The following TNRC6B variants were observed in gnomAD, a reference collection of about 807,000 sequenced individuals.
The protein encoded by TNRC6B is trinucleotide repeat-containing gene 6B protein.
A neutral mutation model predicts 203.6 loss-of-function variants in TNRC6B; 52 were observed. The ratio of observed to expected loss-of-function variants is 0.26; its 90% CI spans 0.20 to 0.32. The LOEUF (loss-of-function observed/expected upper bound fraction) is 0.32, where lower values mean the gene tolerates loss of function less well. TNRC6B is among the 10% of genes least tolerant of loss of function. The probability of loss-of-function intolerance (pLI) is 1.00; values close to 1 mark genes in which losing one functional copy is unlikely to be tolerated. For missense variants in TNRC6B, 1,923 were observed against 2,286.2 expected (o/e 0.84, Z 3.24); for synonymous variants, 838 against 845.7 (o/e 0.99, Z 0.16).
intron 3 of TNRC6B, among the ~76,000 whole-genome samples, chr22:40,137,447 T>TA (rs1196465645): frequency 6.6e-6 from 1 of 152,196 alleles, no homozygotes; most frequent in African/African-American, 2.4e-5. Flanking sequence ...CAGATAAACT[T>TA]ACTGGAAAAG....
At chr22:40,097,728 T>A (rs946451254) in intron 1 of TNRC6B, among the ~76,000 whole-genome samples, 4 of 151,004 alleles carry the variant, frequency 2.6e-5, no homozygotes, top group African/African-American at 9.7e-5. Context: ...TATTATACAT[T>A]GTATACATTA....
At chr22:40,058,198 G>T (rs1405162316) in intron 1 of TNRC6B, among the ~76,000 whole-genome samples, 1 of 152,130 alleles carries the variant, frequency 6.6e-6, no homozygotes, top group African/African-American at 2.4e-5. Context: ...TAGCCAAAAG[G>T]CTCAGAGGGG....
At chr22:40,063,852 G>A (rs1369513216) in intron 1 of TNRC6B, among the ~76,000 whole-genome samples, 1 of 151,912 alleles carries the variant, frequency 6.6e-6, no homozygotes, top group Non-Finnish European at 1.5e-5. Flanking sequence ...AGAGTTGCAC[G>A]GCACCATGCC....
chr22:40,228,866 A>ACT (rs2069828700), intron 1 of TNRC6B, among the ~76,000 whole-genome samples: 1 of 151,252 alleles, frequency 6.6e-6, no homozygotes, highest in Non-Finnish European at 1.5e-5. Flanking sequence ...TTGTAAAACC[A>ACT]CTCCTAATTT....
intron 1 of TNRC6B, among the ~76,000 whole-genome samples, chr22:40,069,131 G>T (rs1240226798): frequency 2.0e-5 from 3 of 151,920 alleles, no homozygotes; most frequent in Non-Finnish European, 4.4e-5. Flanking sequence ...ACAGTATCTC[G>T]CTGTCTCGCC....
At chr22:40,054,534 C>T (rs771857765) in intron 1 of TNRC6B, among the ~76,000 whole-genome samples, 4 of 152,246 alleles carry the variant, frequency 2.6e-5, no homozygotes, top group South Asian at 4.1e-4. Flanking sequence ...CTAATCACCC[C>T]GCCCCACATT....
intron 19 of TNRC6B, among the ~76,000 whole-genome samples, chr22:40,314,410 TC>T (rs1306463373): frequency 3.9e-5 from 6 of 152,176 alleles, no homozygotes; most frequent in Non-Finnish European, 5.9e-5. Context: ...GTTTAAACAC[TC>T]CATGCTGAAT....
At chr22:40,073,972 G>A (rs2067979941) in intron 1 of TNRC6B, among the ~76,000 whole-genome samples, 1 of 152,030 alleles carries the variant, frequency 6.6e-6, no homozygotes, top group African/African-American at 2.4e-5. Context: ...TGGATGCTGA[G>A]GCAGGAGAAT....
intron 4 of TNRC6B, among the ~76,000 whole-genome samples, chr22:40,263,888 G>A (rs1179312436): frequency 2.0e-5 from 3 of 152,198 alleles, no homozygotes; most frequent in South Asian, 2.1e-4. Flanking sequence ...GAATTCTAAC[G>A]TTAGCAAGTT....
intron 21 of TNRC6B, among the ~76,000 whole-genome samples, chr22:40,320,048 A>G (rs915901465): frequency 3.3e-5 from 5 of 152,238 alleles, no homozygotes; most frequent in Non-Finnish European, 5.9e-5. Flanking sequence ...GCAAAGAACT[A>G]CAGAGAAACT....
intron 15 of TNRC6B, among the ~76,000 whole-genome samples, chr22:40,303,427 A>G (rs893814951): frequency 2.6e-5 from 4 of 152,234 alleles, no homozygotes; most frequent in Non-Finnish European, 5.9e-5. Flanking sequence ...CTCCTGTTTC[A>G]TAAGTAACTT....
At chr22:40,173,794 T>TATATATATATATATATAA (rs201025367), upstream of TNRC6B, among the ~76,000 whole-genome samples, 82 of 31,418 alleles carry the variant, frequency 2.6e-3, no homozygotes, top group Non-Finnish European at 3.4e-3. Flanking sequence ...TATATATATA[T>TATATATATATATATATAA]TTTTTTTTTT....
intron 1 of TNRC6B, among the ~76,000 whole-genome samples, chr22:40,108,977 C>T (rs1314148474): frequency 6.6e-6 from 1 of 151,302 alleles, no homozygotes; most frequent in Non-Finnish European, 1.5e-5. Flanking sequence ...TGCTCCCCTC[C>T]CTGTGTCCAT....
At position 40,270,177 on chromosome 22, in the gene TNRC6B, G is replaced by A; in HGVS notation, c.2862G>A (p.Glu954=). ...ATAATGGTACTTCCGCTTGGGGTGAGCCAAATGAAAGCAGTCCTGGGTGGG... is the reference window on the plus strand; with the variant it reads ...ATAATGGTACTTCCGCTTGGGGTGAACCAAATGAAAGCAGTCCTGGGTGGG... The part of the protein sequence containing the change: ...APDNGTSAWG[E]PNESSPGWGE... Residue 954 remains glutamate, a synonymous_variant, in exon 6 of 23, where the codon GAG becomes GAA. Transcript: ENST00000454349. 5.7e-6 allele frequency: 9 copies of A among 1,580,576 alleles called. No individual in the cohort carries two copies. Among genetic ancestry groups the A allele is most frequent in the Non-Finnish European group, 7.7e-6 (9 of 1,162,458 alleles).
chr22:40,214,204 T>G (rs771840524), intron 1 of TNRC6B, among the ~76,000 whole-genome samples: 92 of 151,860 alleles, frequency 6.1e-4, no homozygotes, highest in Non-Finnish European at 1.2e-3. Context: ...GGGGCAGAGG[T>G]TGCAGTGAGC....
chr22:40,113,333 A>T (rs559714528), intron 1 of TNRC6B, among the ~76,000 whole-genome samples: 16 of 152,280 alleles, frequency 1.1e-4, no homozygotes, highest in African/African-American at 3.9e-4. Context: ...AAATAAAACC[A>T]TCTGTTTCTA....
At chr22:40,278,729 T>A (rs2070686189) in intron 9 of TNRC6B, among the ~76,000 whole-genome samples, 2 of 152,114 alleles carry the variant, frequency 1.3e-5, no homozygotes, top group South Asian at 4.1e-4. Flanking sequence ...ACTGGCATTA[T>A]GATTTTTGTA....
chr22:40,202,644 T>A (rs2069429069), intron 1 of TNRC6B, among the ~76,000 whole-genome samples: 2 of 152,136 alleles, frequency 1.3e-5, no homozygotes, highest in African/African-American at 4.8e-5. Flanking sequence ...ATCAACACCT[T>A]CATAGCTTCA....
intron 1 of TNRC6B, among the ~76,000 whole-genome samples, chr22:40,219,828 T>TG (rs2069683987): frequency 6.6e-6 from 1 of 152,190 alleles, no homozygotes; most frequent in South Asian, 2.1e-4. Context: ...TTCCTAGTAT[T>TG]GATTACTACT....
Sources: allele counts gnomAD v4.1 joint callset (sites outside exome capture counted in the v4.1 genomes callset), GRCh38; gene constraint gnomAD v4.1.1; transcripts MANE v1.5; gene names NCBI Gene and HGNC (gene_info 2026-07-23, HGNC 2026-07-21).